The following FBXW8 variants were observed in gnomAD, a reference collection of about 807,000 sequenced individuals.
The protein encoded by FBXW8 is F-box and WD repeat domain containing 8, also known as F-box/WD repeat-containing protein 8.
A neutral mutation model predicts 65.3 loss-of-function variants in FBXW8; 57 were observed. The observed-to-expected ratio is 0.87, with a 90% CI of 0.71 to 1.09. FBXW8 has a LOEUF of 1.09. Among genes scored for constraint, FBXW8 ranks in the 50% least tolerant of loss-of-function variants. FBXW8 has a pLI of 0.00. For synonymous variants in FBXW8, 308 were observed against 330.2 expected (o/e 0.93, Z 0.73); for missense variants, 777 against 814.8 (o/e 0.95, Z 0.57).
chr12:116,924,962 C>T (rs1446869733), intron 1 of FBXW8, among the ~76,000 whole-genome samples: 1 of 151,958 alleles, frequency 6.6e-6, no homozygotes, highest in East Asian at 1.9e-4. Flanking sequence ...GTATCCTCCT[C>T]AAGTAGGGGA....
At chr12:116,978,513 TGCCA>T (rs2135654072) in intron 5 of FBXW8, 1 of 152,372 alleles carries the variant, frequency 6.6e-6, no homozygotes, top group Non-Finnish European at 1.5e-5. Flanking sequence ...AAATTGAGAT[TGCCA>T]GCTGTCTTTA....
chr12:116,983,455 G>A (rs1885456198), intron 5 of FBXW8, among the ~76,000 whole-genome samples: 1 of 152,202 alleles, frequency 6.6e-6, no homozygotes, highest in Non-Finnish European at 1.5e-5. Flanking sequence ...CTCTGCTTTT[G>A]TTTATAATTG....
rs752891808 is a variant in FBXW8 at position 117,029,065 on chromosome 12, A to G, written c.*893A>G. ...CACGGCAGGCAAATCAGTGAGAAAA[A>G]TGTAAAGATCTGGAGGATTTACTTA... On this transcript the variant is annotated 3_prime_UTR_variant, in exon 11 of 11. Coordinates refer to ENST00000652555, the MANE Select transcript of FBXW8 (RefSeq NM_153348.3). The G allele has an allele frequency of 1.3e-5, 2 of 152,252 alleles. No individual in the cohort carries two copies. The highest frequency in any genetic ancestry group is 2.9e-5 in the Non-Finnish European group (2 of 68,044). 9.4% of individuals were successfully genotyped at this position (152,252 alleles called of 1,614,324 possible).
chr12:116,982,409 A>G (rs2135663805), intron 5 of FBXW8, among the ~76,000 whole-genome samples: 1 of 152,328 alleles, frequency 6.6e-6, no homozygotes, highest in South Asian at 2.1e-4. Context: ...TGCCTGTGAT[A>G]AAGAATCAAC....
At chr12:117,008,888 G>T (rs1953739043) in intron 7 of FBXW8, among the ~76,000 whole-genome samples, 1 of 152,042 alleles carries the variant, frequency 6.6e-6, no homozygotes, top group African/African-American at 2.4e-5. Context: ...ATCACTTGAG[G>T]TCAGGAGATC....
At chr12:116,984,882 T>A (rs1439327594) in intron 5 of FBXW8, among the ~76,000 whole-genome samples, 1 of 152,140 alleles carries the variant, frequency 6.6e-6, no homozygotes, top group Non-Finnish European at 1.5e-5. Context: ...CCTGTCTATT[T>A]GGGAGGCTGA....
At chr12:116,934,695 C>T (rs1280233588) in intron 2 of FBXW8, among the ~76,000 whole-genome samples, 1 of 152,164 alleles carries the variant, frequency 6.6e-6, no homozygotes, top group African/African-American at 2.4e-5. Flanking sequence ...GTGTACCCTT[C>T]CCCCAGTTTC....
chr12:116,988,857 C>G lies in FBXW8; in HGVS notation c.1227C>G (p.Tyr409Ter). The G allele has an allele frequency of 6.2e-7, 1 of 1,613,646 alleles. No individual in the cohort carries two copies. The highest frequency in any genetic ancestry group is 1.1e-5 in the South Asian group (1 of 91,052). The change falls in exon 7 of 11, where the codon TAC becomes TAG. Residue 409 changes from tyrosine (Y) to a stop codon, truncating the protein, a stop_gained. Coordinates refer to ENST00000652555, the MANE Select transcript of FBXW8 (RefSeq NM_153348.3). LOFTEE classifies it high-confidence loss of function. Reference sequence around the variant, plus strand: ...GTGTACAGGGTCTGGGATGGGTGTACGAAGGAAGCAAGGTACACAACTAGC... The same window carrying G: ...GTGTACAGGGTCTGGGATGGGTGTAGGAAGGAAGCAAGGTACACAACTAGC... ...AFGVQGLGWV[Y>*]EGSKILVYSL...
At position 117,022,356 on chromosome 12, in the gene FBXW8, A is replaced by T. The variant is rs559218453; in HGVS notation, c.1368-1791A>T. Among the ~76,000 whole-genome samples the T allele has an allele frequency of 2.3e-4, 26 of 113,688 alleles. No individual in the cohort carries two copies. In the South Asian group the frequency reaches 5.9e-3, roughly 26 times the overall value. 74.6% of individuals were successfully genotyped at this position (113,688 alleles called of 152,430 possible). A position where few individuals can be genotyped will look rare whatever the true frequency, so the allele number is the denominator to read the frequency against. On this transcript the variant is annotated intron_variant, in intron 8 of 10. Transcript: ENST00000652555. ...GATTATAGTGACTAAAGAAACTATTAAAAAAAAAAAAAAACAGGCTGGGTG... is the reference window on the plus strand; with the variant it reads ...GATTATAGTGACTAAAGAAACTATTTAAAAAAAAAAAAAACAGGCTGGGTG...
intron 5 of FBXW8, among the ~76,000 whole-genome samples, chr12:116,982,881 T>C (rs1337499523): frequency 6.6e-6 from 1 of 152,134 alleles, no homozygotes; most frequent in Non-Finnish European, 1.5e-5. Context: ...ATTGAGCTCA[T>C]AGTTATTTTA....
chr12:116,987,775 G>A (rs552077308), intron 6 of FBXW8, among the ~76,000 whole-genome samples: 5 of 152,206 alleles, frequency 3.3e-5, no homozygotes, highest in Admixed American at 6.5e-5. Context: ...CATCCCCATG[G>A]TTCAGAATTT....
At chr12:116,982,012 A>G (rs923335043) in intron 5 of FBXW8, among the ~76,000 whole-genome samples, 6 of 152,204 alleles carry the variant, frequency 3.9e-5, no homozygotes, top group Non-Finnish European at 7.3e-5. Flanking sequence ...CTAAAATAAC[A>G]AAGAGTTTTG....
chr12:116,957,459 G>T (rs1395011139), intron 4 of FBXW8, among the ~76,000 whole-genome samples: 2 of 152,166 alleles, frequency 1.3e-5, no homozygotes, highest in African/African-American at 2.4e-5. Flanking sequence ...AATATTTTCT[G>T]TTCGGGAACT....
At chr12:116,966,122 A>T (rs1039915974) in intron 5 of FBXW8, among the ~76,000 whole-genome samples, 3 of 152,120 alleles carry the variant, frequency 2.0e-5, no homozygotes, top group African/African-American at 7.2e-5. Context: ...GTTTGATGTT[A>T]GTAGACACTA....
At chr12:116,992,221 A>G (rs1473163011) in intron 7 of FBXW8, among the ~76,000 whole-genome samples, 1 of 152,118 alleles carries the variant, frequency 6.6e-6, no homozygotes, top group Non-Finnish European at 1.5e-5. Context: ...AGTCACCTCC[A>G]GCTCGGGTAG....
chr12:116,939,989 C>G (rs930898577), intron 2 of FBXW8, among the ~76,000 whole-genome samples: 1 of 152,238 alleles, frequency 6.6e-6, no homozygotes, highest in Non-Finnish European at 1.5e-5. Flanking sequence ...GGTGTTCTGT[C>G]TAGTCAAACT....
intron 5 of FBXW8, among the ~76,000 whole-genome samples, chr12:116,968,281 A>T (rs1348584271): frequency 6.6e-6 from 1 of 152,202 alleles, no homozygotes; most frequent in Non-Finnish European, 1.5e-5. Context: ...TGAAGTAACC[A>T]TATTTTTTAC....
At chr12:116,959,500 AC>A (rs1565914850) in intron 4 of FBXW8, among the ~76,000 whole-genome samples, 2 of 151,662 alleles carry the variant, frequency 1.3e-5, no homozygotes, top group South Asian at 4.2e-4. Context: ...AATCAAAACA[AC>A]CCCCCAGCTT....
At chr12:116,980,073 G>A (rs924640031) in intron 5 of FBXW8, among the ~76,000 whole-genome samples, 1 of 152,188 alleles carries the variant, frequency 6.6e-6, no homozygotes, top group Admixed American at 6.5e-5. Flanking sequence ...GGATGGGCTG[G>A]TTGGGACTCA....
Sources: allele counts gnomAD v4.1 joint callset (sites outside exome capture counted in the v4.1 genomes callset), GRCh38; gene constraint gnomAD v4.1.1; transcripts MANE v1.5; gene names NCBI Gene and HGNC (gene_info 2026-07-23, HGNC 2026-07-21).